ZDHHC15: variants seen among roughly 807,000 people sequenced by gnomAD.
ZDHHC15 encodes zDHHC palmitoyltransferase 15, also known as palmitoyltransferase ZDHHC15.
In ZDHHC15, 19 loss-of-function variants were observed where a neutral mutation model predicts 31.7. The ratio of observed to expected loss-of-function variants is 0.60; its 90% CI spans 0.42 to 0.88. ZDHHC15 has a LOEUF of 0.88. ZDHHC15 is among the 40% of genes least tolerant of loss of function. The pLI, the probability that ZDHHC15 is intolerant of heterozygous loss-of-function variation, is 0.00. For synonymous variants in ZDHHC15, 103 were observed against 90.0 expected, an observed-to-expected ratio of 1.14 and a Z score of -0.82; for missense variants, 209 against 251.2, an observed-to-expected ratio of 0.83 and a Z score of 1.14.
intron 3 of ZDHHC15, among the ~76,000 whole-genome samples, chrX:75,461,135 A>G (rs5981870): frequency 0.022 from 2,443 of 112,212 alleles, 55 homozygotes; most frequent in African/African-American, 0.075. Context: ...TGACAACTTT[A>G]CTATGCAATC....
intron 4 of ZDHHC15, among the ~76,000 whole-genome samples, chrX:75,436,790 T>C (rs2083857260): frequency 8.8e-6 from 1 of 113,094 alleles, no homozygotes; most frequent in South Asian, 3.6e-4. Flanking sequence ...CATGTGCTAA[T>C]GAATAGAATG....
At chrX:75,469,316 C>T (rs1230678428) in intron 3 of ZDHHC15, among the ~76,000 whole-genome samples, 3 of 111,582 alleles carry the variant, frequency 2.7e-5, no homozygotes, top group Non-Finnish European at 5.6e-5. Flanking sequence ...CATTACTGTT[C>T]CACCATCACT....
chrX:75,463,912 T>A (rs1415882384), intron 3 of ZDHHC15, among the ~76,000 whole-genome samples: 1 of 111,958 alleles, frequency 8.9e-6, no homozygotes, highest in African/African-American at 3.2e-5. Context: ...AAATACCATT[T>A]GACCCAGCCA....
chrX:75,515,026 A>C (rs1602772077), intron 1 of ZDHHC15, among the ~76,000 whole-genome samples: 1 of 111,761 alleles, frequency 8.9e-6, no homozygotes, highest in Non-Finnish European at 1.9e-5. Context: ...CTAAATCAGG[A>C]AGAAGTTGAA....
At chrX:75,445,341 C>A (rs2084018413) in intron 4 of ZDHHC15, among the ~76,000 whole-genome samples, 1 of 111,512 alleles carries the variant, frequency 9.0e-6, no homozygotes, top group African/African-American at 3.3e-5. Context: ...TAATCTGTGG[C>A]ATGATCTGAC....
chrX:75,518,818 C>T (rs865836425), intron 1 of ZDHHC15, among the ~76,000 whole-genome samples: 46 of 87,648 alleles, frequency 5.2e-4, no homozygotes, highest in East Asian at 2.3e-3. Context: ...CACACACACA[C>T]ACACACACAC....
chrX:75,448,439 T>C (rs771910172), intron 4 of ZDHHC15, among the ~76,000 whole-genome samples: 49 of 112,471 alleles, frequency 4.4e-4, no homozygotes, highest in Admixed American at 2.8e-3. Context: ...TTGTTATGAA[T>C]ACAGTTGTGT....
chrX:75,378,347 C>A (rs1388982010), intron 11 of ZDHHC15, among the ~76,000 whole-genome samples: 1 of 111,897 alleles, frequency 8.9e-6, no homozygotes, highest in Non-Finnish European at 1.9e-5. Context: ...ACCAAAGTGG[C>A]TGGCATATAC....
intron 10 of ZDHHC15, 151 bp downstream of exon 10, chrX:75,416,936 G>T: frequency 2.5e-6 from 1 of 398,111 alleles, no homozygotes; most frequent in Non-Finnish European, 4.4e-6. Flanking sequence ...ACTACCCATG[G>T]TTACTAAACA....
chrX:75,444,673 TATA>T (rs1569332645), intron 4 of ZDHHC15, among the ~76,000 whole-genome samples: 2 of 44,071 alleles, frequency 4.5e-5, no homozygotes, highest in African/African-American at 1.2e-4. Context: ...TATATATATA[TATA>T]TATATATATA....
chrX:75,430,419 G>A (rs1042948477), intron 5 of ZDHHC15, among the ~76,000 whole-genome samples: 3 of 111,463 alleles, frequency 2.7e-5, no homozygotes, highest in South Asian at 3.8e-4. Context: ...TAAAAATGGG[G>A]TTTGCAAAGC....
chrX:75,415,219 G>T (rs2083536455), intron 10 of ZDHHC15, among the ~76,000 whole-genome samples: 2 of 111,915 alleles, frequency 1.8e-5, no homozygotes, highest in Non-Finnish European at 3.8e-5. Flanking sequence ...TGTTAAAAAT[G>T]TAAGAACTGT....
intron 3 of ZDHHC15, among the ~76,000 whole-genome samples, chrX:75,459,978 C>A (rs983431160): frequency 8.9e-6 from 1 of 111,818 alleles, no homozygotes; most frequent in Non-Finnish European, 1.9e-5. Flanking sequence ...CAGGTTCAAG[C>A]GATTTTCCTG....
intron 10 of ZDHHC15, among the ~76,000 whole-genome samples, chrX:75,387,881 T>C (rs187765529): frequency 1.1e-4 from 12 of 112,092 alleles, no homozygotes; most frequent in African/African-American, 3.9e-4. Context: ...CCAAGGCATA[T>C]AATAGTCAAA....
chrX:75,450,664 T>G (rs1341766638), intron 4 of ZDHHC15, 138 bp downstream of exon 4: 1 of 1,164,571 alleles, frequency 8.6e-7, no homozygotes, highest in Admixed American at 2.4e-5. Context: ...TTTTTAGAAA[T>G]AAAATGTGGA....
intron 2 of ZDHHC15, among the ~76,000 whole-genome samples, chrX:75,501,241 A>G (rs913538211): frequency 2.7e-5 from 3 of 110,947 alleles, no homozygotes; most frequent in African/African-American, 9.8e-5. Context: ...CGGTAAAGAT[A>G]ATAGCCTCCA....
At chrX:75,474,299 T>C (rs2084552936) in intron 3 of ZDHHC15, among the ~76,000 whole-genome samples, 1 of 109,463 alleles carries the variant, frequency 9.1e-6, no homozygotes, top group Admixed American at 9.9e-5. Flanking sequence ...GTGCTGGACC[T>C]TTCATGCCCT....
chrX:75,380,231 A>C (rs2083100082), intron 10 of ZDHHC15, among the ~76,000 whole-genome samples: 1 of 112,268 alleles, frequency 8.9e-6, no homozygotes, highest in Non-Finnish European at 1.9e-5. Flanking sequence ...CATATATCTC[A>C]TCTTGCCTAC....
intron 10 of ZDHHC15, among the ~76,000 whole-genome samples, chrX:75,415,152 T>TAAC (rs1191570259): frequency 8.9e-6 from 1 of 111,823 alleles, no homozygotes; most frequent in Non-Finnish European, 1.9e-5. Flanking sequence ...TAAAAGAAAT[T>TAAC]AACTTAAATA....
Sources: gnomAD v4.1 joint callset for allele counts (sites outside exome capture counted in the v4.1 genomes callset) on GRCh38, gnomAD v4.1.1 for gene constraint, MANE v1.5 for transcripts, NCBI Gene and HGNC (gene_info 2026-07-23, HGNC 2026-07-21) for gene names.